PKIB: variants seen among roughly 807,000 people sequenced by gnomAD.
PKIB encodes the protein cAMP-dependent protein kinase inhibitor beta.
PKIB carries 2 observed loss-of-function variants against 4.5 expected under a neutral mutation model. The observed-to-expected ratio is 0.44, with a 90% CI of 0.18 to 1.39. The LOEUF (loss-of-function observed/expected upper bound fraction) is 1.39, where lower values mean the gene tolerates loss of function less well. PKIB is among the 40% of genes most tolerant of loss of function. The pLI is 0.27. For synonymous variants in PKIB, 38 were observed against 36.0 expected (o/e 1.06, Z -0.20); for missense variants, 94 against 92.6 (o/e 1.02, Z -0.06).
At chr6:122,614,364 G>T (rs1459229428) in intron 1 of PKIB, among the ~76,000 whole-genome samples, 2 of 152,172 alleles carry the variant, frequency 1.3e-5, no homozygotes, top group Non-Finnish European at 1.5e-5. Context: ...AATTGAAGAA[G>T]CAGCAACAGA....
At chr6:122,519,191 C>G (rs548087083) in intron 2 of PKIB, among the ~76,000 whole-genome samples, 1 of 152,140 alleles carries the variant, frequency 6.6e-6, no homozygotes, top group African/African-American at 2.4e-5. Flanking sequence ...TCTCATAGGA[C>G]AGTGAACATT....
intron 3 of PKIB, among the ~76,000 whole-genome samples, chr6:122,707,803 A>G (rs12524492): frequency 0.32 from 49,129 of 152,052 alleles, 9,165 homozygotes; most frequent in South Asian, 0.56. Flanking sequence ...ATATTCTTGT[A>G]TATGTGCCGC....
intron 2 of PKIB, among the ~76,000 whole-genome samples, chr6:122,500,902 G>A (rs1181480996): frequency 3.9e-5 from 6 of 152,134 alleles, no homozygotes; most frequent in Non-Finnish European, 8.8e-5. Context: ...GAGAGCAAAG[G>A]TGGAAGCACT....
At chr6:122,493,239 A>G (rs1775987148) in intron 2 of PKIB, 1 of 152,148 alleles carries the variant, frequency 6.6e-6, no homozygotes, top group African/African-American at 2.4e-5. Flanking sequence ...GACCTTTGGG[A>G]AGTGAATGAG....
In PKIB at chr6:122,647,473, A is replaced by G. The variant is rs868417483; in HGVS notation, c.-76+14106A>G. Among the ~76,000 whole-genome samples, 126 of 152,254 alleles carry G rather than the reference A, an allele frequency of 8.3e-4. 1 individual carries two copies. The highest frequency in any genetic ancestry group is 2.9e-3 in the African/African-American group (121 of 41,552). ...TGCACATTTCCTGAAACCATATTTA[A>G]TCTCAAAATAAAGAACATAGCAAAG... On this transcript the variant is annotated intron_variant, in intron 2 of 4. Transcript: ENST00000368452.
chr6:122,482,194 T>A (rs1480217240), intron 2 of PKIB: 1 of 152,142 alleles, frequency 6.6e-6, no homozygotes, highest in Non-Finnish European at 1.5e-5. Flanking sequence ...TCTCCTGACC[T>A]CGTGATCCGC....
At chr6:122,601,016 A>G (rs1774347127) in intron 3 of PKIB, among the ~76,000 whole-genome samples, 1 of 152,122 alleles carries the variant, frequency 6.6e-6, no homozygotes, top group African/African-American at 2.4e-5. Flanking sequence ...TTCTTTAGAT[A>G]ATGAATGCAT....
intron 1 of PKIB, among the ~76,000 whole-genome samples, chr6:122,630,012 G>A (rs1400090533): frequency 6.6e-6 from 1 of 152,086 alleles, no homozygotes; most frequent in African/African-American, 2.4e-5. Flanking sequence ...TGTAATAAAT[G>A]TACCATACTA....
chr6:122,706,818 G>A (rs9482270), intron 3 of PKIB, among the ~76,000 whole-genome samples: 29,725 of 151,814 alleles, frequency 0.2, 3,413 homozygotes, highest in Non-Finnish European at 0.26. Context: ...AAAATTCAAC[G>A]AAGAAAATAG....
intron 1 of PKIB, among the ~76,000 whole-genome samples, chr6:122,476,388 A>G (rs889786784): frequency 2.0e-4 from 30 of 152,190 alleles, no homozygotes; most frequent in African/African-American, 7.0e-4. Context: ...ACATGCTTTT[A>G]TCTGTTAAGA....
In PKIB at chr6:122,538,064, G is replaced by A. The variant is rs372656572; in HGVS notation, c.-247-47857G>A. Among the ~76,000 whole-genome samples the A allele has an allele frequency of 4.8e-3, 736 of 152,084 alleles. 4 individuals are homozygous for A. Among genetic ancestry groups the A allele is most frequent in the Non-Finnish European group, 5.6e-3 (382 of 67,994 alleles). The stretch of plus-strand genomic sequence containing the variant: ...TGTAAATTTGTTTGAGTTCATTGTA[G>A]ATTCTGGATATTAGCCCTTTGTCAG... On this transcript the variant is annotated intron_variant, in intron 2 of 6. Transcript: ENST00000392491.
chr6:122,555,638 T>C lies in PKIB; in HGVS notation c.-247-30283T>C, dbSNP rs80188569. Among the ~76,000 whole-genome samples the C allele has an allele frequency of 2.2e-3, 337 of 152,340 alleles. 7 individuals are homozygous for C. In the East Asian group the frequency reaches 0.044, roughly 20 times the overall value. On this transcript the variant is annotated intron_variant, in intron 2 of 6. Coordinates refer to the PKIB transcript ENST00000392491. ...ATGTGGAGGGGATAATCTCATATCCTAATTTTGTAGTTTCCTATCCTGCAG... is the reference window on the plus strand; with the variant it reads ...ATGTGGAGGGGATAATCTCATATCCCAATTTTGTAGTTTCCTATCCTGCAG...
At chr6:122,536,268 G>A (rs770554928) in intron 2 of PKIB, among the ~76,000 whole-genome samples, 3 of 152,042 alleles carry the variant, frequency 2.0e-5, no homozygotes, top group Non-Finnish European at 2.9e-5. Context: ...CTTGAAAATG[G>A]TCTTTGTGAA....
At chr6:122,713,469 A>G (rs1779352398) in intron 3 of PKIB, among the ~76,000 whole-genome samples, 1 of 152,162 alleles carries the variant, frequency 6.6e-6, no homozygotes, top group South Asian at 2.1e-4. Flanking sequence ...GCTATATATT[A>G]TAATTATCAC....
At chr6:122,488,174 A>G (rs1249148070) in intron 2 of PKIB, among the ~76,000 whole-genome samples, 2 of 152,008 alleles carry the variant, frequency 1.3e-5, no homozygotes, top group East Asian at 3.9e-4. Flanking sequence ...TTTAACTTGC[A>G]TTTGGCTGGA....
At chr6:122,644,530 TA>T (rs1776237775) in intron 2 of PKIB, 1 of 152,214 alleles carries the variant, frequency 6.6e-6, no homozygotes, top group African/African-American at 2.4e-5. Flanking sequence ...TTTTCATTTG[TA>T]AATGGTATTA....
intron 2 of PKIB, among the ~76,000 whole-genome samples, chr6:122,572,130 C>G (rs1773384054): frequency 6.6e-6 from 1 of 151,906 alleles, no homozygotes; most frequent in South Asian, 2.1e-4. Context: ...AAACTGAAAG[C>G]AAGCAGGAGT....
chr6:122,520,665 A>ACCCCCCCC (rs10650320), intron 2 of PKIB, among the ~76,000 whole-genome samples: 3 of 107,986 alleles, frequency 2.8e-5, no homozygotes, highest in Non-Finnish European at 3.8e-5. Context: ...TTATGTTCCC[A>ACCCCCCCC]CCCCCCCCCC....
At chr6:122,680,627 A>C (rs913857441) in intron 3 of PKIB, among the ~76,000 whole-genome samples, 6 of 152,264 alleles carry the variant, frequency 3.9e-5, no homozygotes, top group African/African-American at 1.4e-4. Flanking sequence ...GGACTGCCAG[A>C]CAGGAAGGCA....
Sources: allele counts gnomAD v4.1 joint callset (sites outside exome capture counted in the v4.1 genomes callset), GRCh38; gene constraint gnomAD v4.1.1; transcripts MANE v1.5; gene names NCBI Gene and HGNC (gene_info 2026-07-23, HGNC 2026-07-21).